The following DNTTIP2 variants were observed in gnomAD, a reference collection of about 807,000 sequenced individuals.
DNTTIP2 encodes deoxynucleotidyltransferase terminal interacting protein 2.
A neutral mutation model predicts 62.4 loss-of-function variants in DNTTIP2; 47 were observed. The ratio of observed to expected loss-of-function variants is 0.75; its 90% CI spans 0.60 to 0.96. The LOEUF (loss-of-function observed/expected upper bound fraction) is 0.96, where lower values mean the gene tolerates loss of function less well. Ranked by LOEUF, DNTTIP2 falls within the 40% of genes least tolerant of loss-of-function variation. DNTTIP2 has a pLI of 0.00. For missense variants in DNTTIP2, 870 were observed against 849.1 expected (o/e 1.02, Z -0.31); for synonymous variants, 322 against 300.9 (o/e 1.07, Z -0.73).
Position 93,876,438 on chromosome 1 carries a change from A to C in DNTTIP2, c.1497T>G (p.Ala499=), listed in dbSNP as rs749695932. ...FVIDTTPGMS[A]DKNFYLEEED... is the part of the protein sequence containing the mutation. ...CCTCTTCCAAGTAAAAATTTTTATCAGCACTCATTCCAGGAGTTGTGTCAA... is the reference window on the plus strand; with the variant it reads ...CCTCTTCCAAGTAAAAATTTTTATCCGCACTCATTCCAGGAGTTGTGTCAA... The change falls in exon 2 of 7, where the codon GCT becomes GCG. Residue 499 remains alanine, a synonymous_variant. Coordinates refer to ENST00000436063, the MANE Select transcript of DNTTIP2 (RefSeq NM_014597.5). The C allele has an allele frequency of 1.2e-6, 2 of 1,613,540 alleles. No homozygotes were observed. Among genetic ancestry groups the C allele is most frequent in the African/African-American group, 2.7e-5 (2 of 74,874 alleles).
rs1253667304 is a variant in DNTTIP2, at chr1:93,876,462, A to G, written c.1473T>C (p.Ile491=). The part of the protein sequence containing the change: ...SLSCDNALFV[I]DTTPGMSADK... Reference sequence around the variant, plus strand: ...CAGCACTCATTCCAGGAGTTGTGTCAATTACAAACAATGCATTGTCACATG... The same window carrying G: ...CAGCACTCATTCCAGGAGTTGTGTCGATTACAAACAATGCATTGTCACATG... Residue 491 remains isoleucine (I), a synonymous_variant, in exon 2 of 7, where the codon ATT becomes ATC. Transcript: ENST00000436063. 3.7e-6 allele frequency: 6 copies of G among 1,613,746 alleles called. No individual in the cohort carries two copies. Among genetic ancestry groups the G allele is most frequent in the Non-Finnish European group, 5.1e-6 (6 of 1,179,878 alleles).
In DNTTIP2 at chr1:93,875,823, T is replaced by C. The variant is rs996590102; in HGVS notation, c.1668-40A>G. 3.8e-6 allele frequency: 6 copies of C among 1,574,856 alleles called. No homozygotes were observed. In the Admixed American group the frequency reaches 1.1e-4, roughly 30 times the overall value. ...ATCACTTAAAGATCAAGTAATTAAA[T>C]CAAAATGGAAACATATAAGATGGCA... On this transcript the variant is annotated intron_variant, in intron 2 of 6. Transcript: ENST00000436063.
At position 93,877,783 on chromosome 1, in the gene DNTTIP2, G is replaced by A. The variant is rs1656052485; in HGVS notation, c.152C>T (p.Thr51Ile). 6.2e-7 allele frequency: 1 copy of A among 1,611,060 alleles called. No homozygotes were observed. Among genetic ancestry groups the A allele is most frequent in the Admixed American group, 1.7e-5 (1 of 60,000 alleles). ...SDARTTAESQ[T>I]TGKQSLIPRT... The stretch of plus-strand genomic sequence containing the variant: ...AGGGATTAAACTTTGCTTCCCAGTG[G>A]TCTGTGATTCAGCAGTAGTTCGGGC... Residue 51 changes from threonine (T) to isoleucine (I), a missense_variant, in exon 2 of 7, where the codon ACC (threonine) becomes ATC (isoleucine). By Grantham distance (89) the Thr-to-Ile change is moderately conservative (BLOSUM62 -1). Coordinates refer to ENST00000436063, the MANE Select transcript of DNTTIP2 (RefSeq NM_014597.5).
chr1:93,875,692 A>G lies in DNTTIP2; in HGVS notation c.1759T>C (p.Ser587Pro). The G allele has an allele frequency of 6.2e-7, 1 of 1,613,382 alleles. No homozygotes were observed. The highest frequency in any genetic ancestry group is 2.2e-5 in the East Asian group (1 of 44,816). ...ATCTGTGTTAGGGTTCTCTTGTTAG[A>G]CTGTAGTTTATCTGCATTAAAATTA... Reference protein sequence around the residue: ...YINFNADKLQSNKRTLTQIKE... With the variant: ...YINFNADKLQPNKRTLTQIKE... The change falls in exon 3 of 7, where the codon TCT (serine) becomes CCT (proline). Residue 587 changes from serine to proline, a missense_variant. Ser to Pro is a moderately conservative substitution (Grantham distance 74, BLOSUM62 -1). Coordinates refer to ENST00000436063, the MANE Select transcript of DNTTIP2 (RefSeq NM_014597.5).
Position 93,876,520 on chromosome 1 carries a change from C to G in DNTTIP2, c.1415G>C (p.Arg472Thr), listed in dbSNP as rs750587119. Residue 472 changes from arginine (R) to threonine (T), a missense_variant, in exon 2 of 7, where the codon AGG (arginine) becomes ACG (threonine). By Grantham distance (71) the Arg-to-Thr change is moderately conservative. Coordinates refer to ENST00000436063, the MANE Select transcript of DNTTIP2 (RefSeq NM_014597.5). Reference sequence around the variant, plus strand: ...TCCTGTGTCTCCACTTAATGACTCCCTTTGGCCACTATTTTCAACAAAACA... The same window carrying G: ...TCCTGTGTCTCCACTTAATGACTCCGTTTGGCCACTATTTTCAACAAAACA... ...TLCFVENSGQ[R>T]ESLSGDTGSL... The G allele has an allele frequency of 1.9e-6, 3 of 1,613,850 alleles. No individual in the cohort carries two copies. The highest frequency in any genetic ancestry group is 3.3e-5 in the Admixed American group (2 of 60,006).
In DNTTIP2 at chr1:93,877,153, T is replaced by C. The variant is rs374819464; in HGVS notation, c.782A>G (p.Tyr261Cys). 3.0e-5 allele frequency: 48 copies of C among 1,612,980 alleles called. No homozygotes were observed. Among genetic ancestry groups the C allele is most frequent in the African/African-American group, 6.7e-5 (5 of 75,064 alleles). ...GAAATCATCATCAAAGTCATTATTA[T>C]AGAAATTTGGCTTATTTATCTCAGA... is the stretch of plus-strand genomic sequence containing the variant. ...SLSEINKPNF[Y>C]NNDFDDDFSH... The change falls in exon 2 of 7, where the codon TAT becomes TGT. Residue 261 changes from tyrosine to cysteine, a missense_variant. Tyr to Cys is a radical substitution (Grantham distance 194). Transcript: ENST00000436063.
Position 93,870,680 on chromosome 1 carries a change from T to C in DNTTIP2, c.2177+3A>G. 1 of 1,505,476 alleles carries C rather than the reference T, an allele frequency of 6.6e-7. No homozygotes were observed. Among genetic ancestry groups the C allele is most frequent in the Non-Finnish European group, 9.0e-7 (1 of 1,112,918 alleles). The allele number at this position is 1,505,476 out of a possible 1,614,324, so 93.3% of individuals were successfully genotyped here. A position where few individuals can be genotyped will look rare whatever the true frequency, so the allele number is the denominator to read the frequency against. On this transcript the variant is annotated splice_donor_region_variant and intron_variant, in intron 6 of 6. Transcript: ENST00000436063. Reference sequence around the variant, plus strand: ...ATTATAAAATAAATATGAATTCCTTTACCTTCTGAATTCAGAATCAGCCAG... The same window carrying C: ...ATTATAAAATAAATATGAATTCCTTCACCTTCTGAATTCAGAATCAGCCAG...
chr1:93,874,332 G>A (rs1441936271), intron 3 of DNTTIP2, among the ~76,000 whole-genome samples: 1 of 152,074 alleles, frequency 6.6e-6, no homozygotes, highest in African/African-American at 2.4e-5. Context: ...AAATTATGCA[G>A]CCCAAAACAT....
At chr1:93,877,899 G>A (rs375113776) in intron 1 of DNTTIP2, 37 bp from the exon 2 acceptor site, 10 of 1,574,560 alleles carry the variant, frequency 6.4e-6, no homozygotes, top group Non-Finnish European at 8.6e-6. Flanking sequence ...ATTTAGGTAG[G>A]GCTGGAACAA....
chr1:93,875,960 TTCA>T (rs745872615), intron 2 of DNTTIP2, among the ~76,000 whole-genome samples, 177 bp from the exon 3 acceptor site: 17 of 151,392 alleles, frequency 1.1e-4, no homozygotes, highest in Non-Finnish European at 1.8e-4. Context: ...AAATATATTT[TTCA>T]TCATTTTATT....
At chr1:93,877,933 C>T (rs1656057825) in intron 1 of DNTTIP2, 71 bp from the exon 2 acceptor site, 1 of 1,484,996 alleles carries the variant, frequency 6.7e-7, no homozygotes, top group Non-Finnish European at 8.9e-7. Context: ...GAAATACTGA[C>T]CCCAAAAGCT....
Position 93,876,731 on chromosome 1 carries a change from C to A in DNTTIP2, c.1204G>T (p.Glu402Ter). The A allele has an allele frequency of 1.2e-6, 2 of 1,613,970 alleles. No individual in the cohort carries two copies. The highest frequency in any genetic ancestry group is 1.7e-6 in the Non-Finnish European group (2 of 1,179,862). Residue 402 changes from glutamate to a stop codon, truncating the protein, a stop_gained, in exon 2 of 7, where the codon GAG becomes TAG. Coordinates refer to ENST00000436063, the MANE Select transcript of DNTTIP2 (RefSeq NM_014597.5). LOFTEE classifies it high-confidence loss of function. The stretch of plus-strand genomic sequence containing the variant: ...TCACTGACACTTATAACTGTGGACT[C>A]TTCTTCATCATCACTACCACCACAA... ...GDCGGSDDEE[E>*]STVISVSEDM...
chr1:93,869,578 G>A lies in DNTTIP2; in HGVS notation c.*273C>T. 3.2e-6 allele frequency: 1 copy of A among 314,966 alleles called. No individual in the cohort carries two copies. 19.5% of individuals were successfully genotyped at this position (314,966 alleles called of 1,614,324 possible). ...AATTTTCTTTAAATAACTAAGCATTGAAAACTTTACAAACCATCAGTTATC... is the reference window on the plus strand; with the variant it reads ...AATTTTCTTTAAATAACTAAGCATTAAAAACTTTACAAACCATCAGTTATC... On this transcript the variant is annotated 3_prime_UTR_variant, in exon 7 of 7. Coordinates refer to ENST00000436063, the MANE Select transcript of DNTTIP2 (RefSeq NM_014597.5).
In DNTTIP2 at chr1:93,879,192, G is replaced by A; in HGVS notation, c.-44C>T. 6.2e-7 allele frequency: 1 copy of A among 1,602,362 alleles called. No homozygotes were observed. The highest frequency in any genetic ancestry group is 8.5e-7 in the Non-Finnish European group (1 of 1,176,728). Reference sequence around the variant, plus strand: ...ACCACCACGACTTCCCTCTTCCCTGGCGCTCCGGAAATGCGTCAGAGAACT... The same window carrying A: ...ACCACCACGACTTCCCTCTTCCCTGACGCTCCGGAAATGCGTCAGAGAACT... On this transcript the variant is annotated 5_prime_UTR_variant, in exon 1 of 7. Coordinates refer to ENST00000436063, the MANE Select transcript of DNTTIP2 (RefSeq NM_014597.5).
In DNTTIP2 at chr1:93,877,272, A is replaced by G. The variant is rs1557719643; in HGVS notation, c.663T>C (p.Ile221=). The G allele has an allele frequency of 7.4e-6, 12 of 1,613,836 alleles. No homozygotes were observed. The highest frequency in any genetic ancestry group is 9.3e-6 in the Non-Finnish European group (11 of 1,179,832). Reference sequence around the variant, plus strand: ...CGATCTGTTTCTCATTTCCTGGTACAATCTTACTATCTTTCTTTTCAGTTT... The same window carrying G: ...CGATCTGTTTCTCATTTCCTGGTACGATCTTACTATCTTTCTTTTCAGTTT... ...KAQTEKKDSK[I]VPGNEKQIVG... is the part of the protein sequence containing the mutation. The change falls in exon 2 of 7, where the codon ATT becomes ATC. Residue 221 remains isoleucine (I), a synonymous_variant. Coordinates refer to ENST00000436063, the MANE Select transcript of DNTTIP2 (RefSeq NM_014597.5).
At chr1:93,875,881 G>T in intron 2 of DNTTIP2, 98 bp from the exon 3 acceptor site, 1 of 1,246,092 alleles carries the variant, frequency 8.0e-7, no homozygotes, top group Non-Finnish European at 1.1e-6. Context: ...CTCTTCCCTT[G>T]TATTGTCCAC....
Position 93,877,722 on chromosome 1 carries a change from A to T in DNTTIP2, c.213T>A (p.Thr71=), listed in dbSNP as rs1398082745. 1 of 1,613,906 alleles carries T rather than the reference A, an allele frequency of 6.2e-7. No homozygotes were observed. The highest frequency in any genetic ancestry group is 8.5e-7 in the Non-Finnish European group (1 of 1,179,886). The change falls in exon 2 of 7, where the codon ACT becomes ACA. Residue 71 remains threonine (T), a synonymous_variant. Coordinates refer to ENST00000436063, the MANE Select transcript of DNTTIP2 (RefSeq NM_014597.5). ...TPKARKRKSR[T]TGSLPKGTEP... ...CAGTCCCCTTTGGTAGTGAGCCTGT[A>T]GTTCTGCTCTTCCTCTTTCTAGCTT...
chr1:93,877,238 G>T lies in DNTTIP2; in HGVS notation c.697C>A (p.Pro233Thr). ...PGNEKQIVGT[P>T]VNSEDSDTRQ... ...GTATCTGAATCCTCTGAATTCACAG[G>T]TGTACCCACGATCTGTTTCTCATTT... is the stretch of plus-strand genomic sequence containing the variant. Residue 233 changes from proline (P) to threonine (T), a missense_variant, in exon 2 of 7, where the codon CCT (proline) becomes ACT (threonine). By Grantham distance (38) the Pro-to-Thr change is conservative. Transcript: ENST00000436063. The T allele has an allele frequency of 6.2e-7, 1 of 1,613,860 alleles. No homozygotes were observed.
intron 2 of DNTTIP2, 95 bp downstream of exon 2, chr1:93,876,173 T>G (rs1328686258): frequency 1.2e-5 from 11 of 935,972 alleles, no homozygotes; most frequent in Admixed American, 1.2e-4. Context: ...GCAGTGATTT[T>G]CTCATTCCCC....
Sources: allele counts gnomAD v4.1 joint callset (sites outside exome capture counted in the v4.1 genomes callset), GRCh38; gene constraint gnomAD v4.1.1; transcripts MANE v1.5; gene names NCBI Gene and HGNC (gene_info 2026-07-23, HGNC 2026-07-21).